PTPN3: variants seen among roughly 807,000 people sequenced by gnomAD.
The protein encoded by PTPN3 is protein tyrosine phosphatase non-receptor type 3, also known as tyrosine-protein phosphatase non-receptor type 3.
Under a neutral mutation model 132.7 loss-of-function variants are expected in PTPN3, and 96 were observed. The observed-to-expected ratio is 0.72, with a 90% CI of 0.61 to 0.86. The LOEUF is 0.86. Ranked by LOEUF, PTPN3 falls within the 40% of genes least tolerant of loss-of-function variation. The probability of loss-of-function intolerance (pLI) is 0.00; values close to 1 mark genes in which losing one functional copy is unlikely to be tolerated. For missense variants in PTPN3, 1,125 were observed against 1,159.6 expected, an observed-to-expected ratio of 0.97 and a Z score of 0.43; for synonymous variants, 398 against 429.0, an observed-to-expected ratio of 0.93 and a Z score of 0.89.
At chr9:109,529,117 A>G in the PTPN3 span, among the ~76,000 whole-genome samples, 1 of 152,284 alleles carries the variant, frequency 6.6e-6, no homozygotes, top group South Asian at 2.1e-4. Context: ...TGAATTTGCT[A>G]GGAACCTGGG....
intron 5 of PTPN3, chr9:109,451,229 T>A (rs547080076): frequency 1.5e-4 from 138 of 933,126 alleles, no homozygotes; most frequent in African/African-American, 2.3e-4. Flanking sequence ...TTTCAAAAAA[T>A]ATATATATAT....
intron 1 of PTPN3, among the ~76,000 whole-genome samples, chr9:109,480,546 C>A (rs1564479772): frequency 1.3e-5 from 2 of 152,124 alleles, no homozygotes; most frequent in Non-Finnish European, 2.9e-5. Context: ...CATGAAGTCC[C>A]AATTTATTTT....
At chr9:109,480,414 T>C (rs1846903640) in intron 1 of PTPN3, among the ~76,000 whole-genome samples, 1 of 152,152 alleles carries the variant, frequency 6.6e-6, no homozygotes, top group Non-Finnish European at 1.5e-5. Flanking sequence ...TCTGCCTGCC[T>C]CAGTCTCCCA....
chr9:109,437,232 G>T (rs868479530), intron 8 of PTPN3, among the ~76,000 whole-genome samples: 1 of 152,190 alleles, frequency 6.6e-6, no homozygotes, highest in African/African-American at 2.4e-5. Flanking sequence ...AGACGGAGAA[G>T]ACTGTTACCT....
chr9:109,486,323 T>G (rs1008646677), intron 1 of PTPN3, among the ~76,000 whole-genome samples: 3 of 152,180 alleles, frequency 2.0e-5, no homozygotes, highest in Admixed American at 1.3e-4. Context: ...TGATCTTCTG[T>G]GCTTTTTAAG....
chr9:109,446,552 G>C (rs1429838793), intron 6 of PTPN3, among the ~76,000 whole-genome samples: 2 of 152,160 alleles, frequency 1.3e-5, no homozygotes, highest in African/African-American at 4.8e-5. Flanking sequence ...GGGGAGGATA[G>C]GCAGAAACAG....
chr9:109,507,508 C>G, the PTPN3 span, among the ~76,000 whole-genome samples: 1 of 152,192 alleles, frequency 6.6e-6, no homozygotes, highest in Admixed American at 6.5e-5. Flanking sequence ...TAGTGTTGCA[C>G]GGATGACACA....
chr9:109,523,459 A>T, the PTPN3 span, among the ~76,000 whole-genome samples: 1 of 148,996 alleles, frequency 6.7e-6, no homozygotes, highest in Non-Finnish European at 1.5e-5. Context: ...TGATAGTCGC[A>T]TACCACCTGG....
chr9:109,486,981 G>A (rs148093710), intron 1 of PTPN3, among the ~76,000 whole-genome samples: 9 of 152,280 alleles, frequency 5.9e-5, no homozygotes, highest in East Asian at 3.9e-4. Flanking sequence ...CCAGCCTTGC[G>A]GAACTGTGAG....
intron 1 of PTPN3, among the ~76,000 whole-genome samples, chr9:109,471,431 T>A (rs948092980): frequency 1.3e-5 from 2 of 152,198 alleles, no homozygotes; most frequent in Non-Finnish European, 2.9e-5. Flanking sequence ...CTGAACCACT[T>A]GCTGCAGAGA....
chr9:109,427,205 G>A (rs1843344095), intron 11 of PTPN3, 83 bp from the exon 12 acceptor site: 3 of 1,438,496 alleles, frequency 2.1e-6, no homozygotes, highest in Admixed American at 3.8e-5. Flanking sequence ...TTGGTGAAAT[G>A]AGGTAAGATG....
At position 109,407,603 on chromosome 9, in the gene PTPN3, G is replaced by A. The variant is rs1312960858; in HGVS notation, c.1635+718C>T. On this transcript the variant is annotated intron_variant, in intron 17 of 25. Coordinates refer to ENST00000374541, the MANE Select transcript of PTPN3 (RefSeq NM_002829.4). ...TCTGTCGCTCAGGCTGGAGTACAGC[G>A]GCGTGATCTCAGCTCACTGCAACCT... Among the ~76,000 whole-genome samples, 3 of 151,870 alleles carry A rather than the reference G, an allele frequency of 2.0e-5. 1 individual carries two copies. The highest frequency in any genetic ancestry group is 2.4e-5 in the African/African-American group (1 of 41,308).
intron 2 of PTPN3, among the ~76,000 whole-genome samples, 157 bp from the exon 3 acceptor site, chr9:109,457,556 C>T (rs1845627442): frequency 6.6e-6 from 1 of 152,256 alleles, no homozygotes; most frequent in Non-Finnish European, 1.5e-5. Flanking sequence ...AGAAGCCACA[C>T]AGCACATATG....
chr9:109,433,215 T>C (rs954823464), intron 9 of PTPN3, 54 bp from the exon 10 acceptor site: 1 of 1,604,582 alleles, frequency 6.2e-7, no homozygotes. Flanking sequence ...GCTTATGCCC[T>C]CTGGTGACTT....
chr9:109,473,867 G>T (rs1010221680), intron 1 of PTPN3, among the ~76,000 whole-genome samples: 1 of 151,236 alleles, frequency 6.6e-6, no homozygotes, highest in Non-Finnish European at 1.5e-5. Flanking sequence ...GACTTACAAC[G>T]CCATCCTCCT....
At chr9:109,382,128 G>C (rs963033110) in intron 24 of PTPN3, among the ~76,000 whole-genome samples, 174 bp downstream of exon 24, 1 of 152,176 alleles carries the variant, frequency 6.6e-6, no homozygotes. Flanking sequence ...ACAAAGTTAG[G>C]ATTTCATAAA....
intron 5 of PTPN3, 47 bp from the exon 6 acceptor site, chr9:109,448,902 C>CAAAAAAAAAAA (rs35966698): frequency 1.5e-6 from 2 of 1,292,498 alleles, no homozygotes; most frequent in Non-Finnish European, 2.0e-6. Flanking sequence ...CTGAAATAAG[C>CAAAAAAAAAAA]AAAAAAAAAA....
rs1588518731 is a variant in PTPN3, at chr9:109,498,070, G to C, written c.-18+149C>G. 1.4e-5 allele frequency: 2 copies of C among 145,430 alleles called. No homozygotes were observed. The highest frequency in any genetic ancestry group is 1.4e-4 in the Admixed American group (2 of 14,692). 9.0% of individuals were successfully genotyped at this position (145,430 alleles called of 1,614,324 possible). On this transcript the variant is annotated intron_variant, in intron 1 of 25. Transcript: ENST00000374541. The surrounding 1 kb of genome is among the most constrained non-coding windows in gnomAD (Gnocchi z 4.2). The stretch of plus-strand genomic sequence containing the variant: ...CCTCCCCGCCCCGACGTGGTGCGGG[G>C]ATCCCGGTGCAGCCGCACCCGCCAG...
chr9:109,429,048 G>A (rs555171471), intron 10 of PTPN3: 1 of 985,462 alleles, frequency 1.0e-6, no homozygotes, highest in East Asian at 1.1e-4. Flanking sequence ...AAAGAGGACA[G>A]ACCTGGTCCG....
Sources: allele counts gnomAD v4.1 joint callset (sites outside exome capture counted in the v4.1 genomes callset), GRCh38; gene constraint gnomAD v4.1.1; non-coding constraint Gnocchi (gnomAD v3.1); transcripts MANE v1.5; gene names NCBI Gene and HGNC (gene_info 2026-07-23, HGNC 2026-07-21).